The following NCAM1 variants were observed in gnomAD, a reference collection of about 807,000 sequenced individuals.
NCAM1 encodes neural cell adhesion molecule 1, also known as antigen recognized by monoclonal antibody 5.1H11.
NCAM1 carries 14 observed loss-of-function variants against 109.8 expected under a neutral mutation model. That is an observed-to-expected ratio of 0.13 (90% confidence interval 0.08 to 0.20). The LOEUF (loss-of-function observed/expected upper bound fraction) is 0.20. Among genes scored for constraint, NCAM1 ranks in the 10% least tolerant of loss-of-function variants. The probability of loss-of-function intolerance (pLI) is 1.00; values close to 1 mark genes in which losing one functional copy is unlikely to be tolerated. For missense variants in NCAM1, 774 were observed against 1,109.9 expected, an observed-to-expected ratio of 0.70 and a Z score of 4.30; for synonymous variants, 418 against 442.9, an observed-to-expected ratio of 0.94 and a Z score of 0.70.
intron 14 of NCAM1, among the ~76,000 whole-genome samples, chr11:113,239,499 CTTTTTTT>C (rs55641415): frequency 9.5e-4 from 105 of 110,200 alleles, no homozygotes; most frequent in African/African-American, 3.6e-3. Flanking sequence ...TGAGTCTCTA[CTTTTTTT>C]TTTTTTTTTT....
Position 112,961,424 on chromosome 11 carries a change from A to T in NCAM1, c.-189A>T, listed in dbSNP as rs782413774. ...TGTGCTGAGGCTGGGACTGTCACTC[A>T]TTCTCCGATCAGCGCGTGAACGCAG... is the stretch of plus-strand genomic sequence containing the variant. On this transcript the variant is annotated 5_prime_UTR_variant, in exon 1 of 20. Transcript: ENST00000316851. 1.3e-6 allele frequency: 1 copy of T among 760,942 alleles called. No individual in the cohort carries two copies. The highest frequency in any genetic ancestry group is 2.4e-6 in the Non-Finnish European group (1 of 410,440). 47.1% of individuals were successfully genotyped at this position (760,942 alleles called of 1,614,324 possible). A position where few individuals can be genotyped will look rare whatever the true frequency, so the allele number is the denominator to read the frequency against.
Position 113,206,967 on chromosome 11 carries a change from C to T in NCAM1, c.629-294C>T, listed in dbSNP as rs189785805. Among the ~76,000 whole-genome samples the T allele has an allele frequency of 2.5e-3, 375 of 152,278 alleles. 10 individuals carry two copies. Among genetic ancestry groups the T allele is most frequent in the South Asian group, 0.022 (107 of 4,824 alleles). On this transcript the variant is annotated intron_variant, in intron 5 of 19. Coordinates refer to ENST00000316851, the MANE Select transcript of NCAM1 (RefSeq NM_181351.5). ...TTAGTATGCATTGACTGAGAAAATACATAATGAAGAATAGTGACTATAAAT... is the reference window on the plus strand; with the variant it reads ...TTAGTATGCATTGACTGAGAAAATATATAATGAAGAATAGTGACTATAAAT...
At chr11:112,999,348 A>G (rs1951683937) in intron 1 of NCAM1, among the ~76,000 whole-genome samples, 1 of 152,208 alleles carries the variant, frequency 6.6e-6, no homozygotes, top group Non-Finnish European at 1.5e-5. Context: ...TATTGTTCAA[A>G]GGGAATAAAA....
At chr11:113,009,984 A>G (rs4322430) in intron 1 of NCAM1, among the ~76,000 whole-genome samples, 28,554 of 151,988 alleles carry the variant, frequency 0.19, 3,027 homozygotes, top group East Asian at 0.27. Flanking sequence ...GTACAGGCTA[A>G]GAAGTACTGA....
intron 1 of NCAM1, among the ~76,000 whole-genome samples, chr11:113,099,573 T>C (rs1241507692): frequency 1.3e-5 from 2 of 152,158 alleles, no homozygotes; most frequent in Non-Finnish European, 2.9e-5. Flanking sequence ...CTGACAAAAA[T>C]GAGCAACAGC....
chr11:113,007,848 CA>C (rs1375822118), intron 1 of NCAM1, among the ~76,000 whole-genome samples: 2 of 152,130 alleles, frequency 1.3e-5, no homozygotes, highest in Non-Finnish European at 2.9e-5. Flanking sequence ...AAATATAATT[CA>C]AAGTTGGATT....
chr11:113,005,964 A>C (rs1457432251), intron 1 of NCAM1, among the ~76,000 whole-genome samples: 2 of 152,154 alleles, frequency 1.3e-5, no homozygotes, highest in African/African-American at 4.8e-5. Context: ...TTCTCTAAAC[A>C]TATGAACTTT....
intron 1 of NCAM1, among the ~76,000 whole-genome samples, chr11:113,171,633 C>CAATAAATAAATAAATA (rs58639337): frequency 2.7e-5 from 4 of 149,498 alleles, no homozygotes; most frequent in East Asian, 2.0e-4. Context: ...GACTTTGTCT[C>CAATAAATAAATAAATA]AATAAATAAA....
chr11:113,214,578 G>T, intron 8 of NCAM1, 67 bp downstream of exon 8: 1 of 1,505,522 alleles, frequency 6.6e-7, no homozygotes, highest in Admixed American at 2.1e-5. Context: ...GTCTGCTCAT[G>T]CCCAGTTCTC....
At chr11:113,263,102 C>CA in intron 17 of NCAM1, 1 of 1,332,830 alleles carries the variant, frequency 7.5e-7, no homozygotes, top group Non-Finnish European at 9.6e-7. Context: ...TGTCACCACT[C>CA]ACAGATACTT....
intron 1 of NCAM1, among the ~76,000 whole-genome samples, chr11:113,066,873 G>A (rs1263369580): frequency 6.6e-6 from 1 of 151,806 alleles, no homozygotes. Flanking sequence ...GCATGGTGGC[G>A]GGCGCCTGTA....
chr11:113,091,410 G>C lies in NCAM1; in HGVS notation c.53-110969G>C, dbSNP rs111405211. Among the ~76,000 whole-genome samples the C allele has an allele frequency of 1.8e-4, 27 of 152,302 alleles. 1 individual carries two copies. Among genetic ancestry groups the C allele is most frequent in the African/African-American group, 6.5e-4 (27 of 41,574 alleles). On this transcript the variant is annotated intron_variant, in intron 1 of 19. Transcript: ENST00000316851. ...ACACTTGCTTTTTCTAGGCCACTCA[G>C]GGTTCTAGTGCCAGACGTAGTTCAC...
intron 1 of NCAM1, among the ~76,000 whole-genome samples, chr11:113,151,165 C>G (rs1942210711): frequency 6.6e-6 from 1 of 152,146 alleles, no homozygotes; most frequent in African/African-American, 2.4e-5. Flanking sequence ...TCTGTCAGTC[C>G]TCTGGCTCTT....
At chr11:113,165,687 T>A (rs1942768113) in intron 1 of NCAM1, among the ~76,000 whole-genome samples, 1 of 152,130 alleles carries the variant, frequency 6.6e-6, no homozygotes. Flanking sequence ...TTTCTCTGGT[T>A]GGGGAAGGCT....
chr11:113,246,360 G>T lies in NCAM1; in HGVS notation c.1826-8G>T, dbSNP rs1945504343. On this transcript the variant is annotated splice_polypyrimidine_tract_variant and splice_region_variant and intron_variant, in intron 14 of 19. Coordinates refer to ENST00000316851, the MANE Select transcript of NCAM1 (RefSeq NM_181351.5). Reference sequence around the variant, plus strand: ...GGTGCTGATGATGTCGTCCACGCTGGTGAACAGAAGGTAAAACTCTTTGTT... The same window carrying T: ...GGTGCTGATGATGTCGTCCACGCTGTTGAACAGAAGGTAAAACTCTTTGTT... The T allele has an allele frequency of 1.3e-6, 1 of 742,588 alleles. No homozygotes were observed. The highest frequency in any genetic ancestry group is 2.5e-6 in the Non-Finnish European group (1 of 406,006). 46.0% of individuals were successfully genotyped at this position (742,588 alleles called of 1,614,324 possible). A position where few individuals can be genotyped will look rare whatever the true frequency, so the allele number is the denominator to read the frequency against.
chr11:113,201,185 A>G (rs1426598584), intron 1 of NCAM1, among the ~76,000 whole-genome samples: 1 of 152,104 alleles, frequency 6.6e-6, no homozygotes, highest in African/African-American at 2.4e-5. Context: ...CCCAGCCCCA[A>G]GCAGGCCCTC....
intron 1 of NCAM1, among the ~76,000 whole-genome samples, chr11:113,189,188 A>T (rs1555109380): frequency 6.6e-6 from 1 of 152,154 alleles, no homozygotes. Context: ...ACGGTGGCTC[A>T]CACCTGTAAT....
chr11:113,212,041 A>T (rs999376040), intron 7 of NCAM1, among the ~76,000 whole-genome samples: 2 of 152,204 alleles, frequency 1.3e-5, no homozygotes, highest in Non-Finnish European at 2.9e-5. Context: ...ATCCCTCTAG[A>T]TGCTGGAAGG....
At chr11:113,025,814 A>AGAGAGAGAGAGAGAGAGG in intron 1 of NCAM1, among the ~76,000 whole-genome samples, 1 of 150,296 alleles carries the variant, frequency 6.7e-6, no homozygotes, top group Admixed American at 6.7e-5. Context: ...AGAGAGAGAG[A>AGAGAGAGAGAGAGAGAGG]GAGAGAGAGG....
Sources: gnomAD v4.1 joint callset for allele counts (sites outside exome capture counted in the v4.1 genomes callset) on GRCh38, gnomAD v4.1.1 for gene constraint, MANE v1.5 for transcripts, NCBI Gene and HGNC (gene_info 2026-07-23, HGNC 2026-07-21) for gene names.